Variants in PCDH15 observed in about 807,000 individuals in gnomAD.
PCDH15 encodes protocadherin related 15.
PCDH15 carries 129 observed loss-of-function variants against 178.5 expected under a neutral mutation model. The observed-to-expected ratio is 0.72, with a 90% confidence interval of 0.63 to 0.84. PCDH15 has a LOEUF of 0.84. Among genes scored for constraint, PCDH15 ranks in the 40% least tolerant of loss-of-function variants. The pLI is 0.00. For synonymous variants in PCDH15, 800 were observed against 732.0 expected (o/e 1.09, Z -1.50); for missense variants, 2,230 against 2,099.9 (o/e 1.06, Z -1.21).
intron 8 of PCDH15, among the ~76,000 whole-genome samples, chr10:54,273,493 A>G (rs1208534640): frequency 6.6e-6 from 1 of 152,110 alleles, no homozygotes; most frequent in Non-Finnish European, 1.5e-5. Context: ...ATGATGAATG[A>G]AAAGGGGGTC....
intron 32 of PCDH15, chr10:53,821,083 A>G (rs1413209128): frequency 1.0e-6 from 1 of 971,680 alleles, no homozygotes; most frequent in Non-Finnish European, 1.2e-6. Context: ...TGGAACAATG[A>G]AATGCCTTAC....
intron 26 of PCDH15, among the ~76,000 whole-genome samples, chr10:53,896,084 G>A (rs1026799513): frequency 6.6e-6 from 1 of 151,656 alleles, no homozygotes; most frequent in African/African-American, 2.4e-5. Flanking sequence ...AAATTTACTT[G>A]TTTTATTTTA....
chr10:55,115,021 A>G (rs924970659), intron 2 of PCDH15, among the ~76,000 whole-genome samples: 7 of 152,226 alleles, frequency 4.6e-5, no homozygotes, highest in African/African-American at 1.7e-4. Flanking sequence ...AGTTATATCA[A>G]CAGCAGTCAT....
intron 21 of PCDH15, among the ~76,000 whole-genome samples, chr10:53,991,915 G>A (rs975254825): frequency 1.3e-5 from 2 of 152,124 alleles, no homozygotes; most frequent in Non-Finnish European, 2.9e-5. Flanking sequence ...GGTCAGATAA[G>A]GGAATAAAAG....
intron 15 of PCDH15, among the ~76,000 whole-genome samples, chr10:54,100,830 G>A (rs182753701): frequency 2.0e-5 from 3 of 152,056 alleles, no homozygotes; most frequent in East Asian, 1.9e-4. Context: ...CTTAAGGTGG[G>A]GGGGGATTTT....
At chr10:54,651,754 C>T (rs955555529) in intron 2 of PCDH15, among the ~76,000 whole-genome samples, 2 of 152,142 alleles carry the variant, frequency 1.3e-5, no homozygotes, top group African/African-American at 4.8e-5. Flanking sequence ...TTTGTTGCAT[C>T]AGCCCAACAA....
intron 20 of PCDH15, among the ~76,000 whole-genome samples, chr10:53,996,009 A>G (rs900000479): frequency 6.6e-6 from 1 of 152,166 alleles, no homozygotes; most frequent in Non-Finnish European, 1.5e-5. Context: ...TTCACCCTCA[A>G]AAACATGCCT....
intron 20 of PCDH15, among the ~76,000 whole-genome samples, chr10:53,999,580 T>C (rs184051463): frequency 5.5e-4 from 83 of 152,278 alleles, no homozygotes; most frequent in Middle Eastern, 3.4e-3. Flanking sequence ...TAAGTGAACA[T>C]TGGTGGTAGC....
At chr10:54,557,334 A>G (rs1269737545) in intron 2 of PCDH15, among the ~76,000 whole-genome samples, 2 of 152,134 alleles carry the variant, frequency 1.3e-5, no homozygotes, top group African/African-American at 4.8e-5. Flanking sequence ...AAATTATACC[A>G]AAAAATTGTT....
At chr10:54,536,161 T>A (rs2084495857) in intron 2 of PCDH15, among the ~76,000 whole-genome samples, 1 of 152,224 alleles carries the variant, frequency 6.6e-6, no homozygotes, top group East Asian at 1.9e-4. Context: ...ACTGCCTAGG[T>A]TAAATACTAG....
intron 15 of PCDH15, among the ~76,000 whole-genome samples, chr10:54,108,904 T>C (rs956998786): frequency 6.6e-6 from 1 of 152,114 alleles, no homozygotes; most frequent in Admixed American, 6.6e-5. Flanking sequence ...TAGAAACCTC[T>C]GCCTTGAAGA....
chr10:54,705,998 A>T (rs1291211478), intron 1 of PCDH15, among the ~76,000 whole-genome samples: 1 of 152,156 alleles, frequency 6.6e-6, no homozygotes, highest in Non-Finnish European at 1.5e-5. Context: ...GAGCATATTG[A>T]GAGGTAAACA....
chr10:55,207,626 G>A (rs1840437755), intron 1 of PCDH15, among the ~76,000 whole-genome samples: 1 of 152,142 alleles, frequency 6.6e-6, no homozygotes, highest in Non-Finnish European at 1.5e-5. Context: ...GTTATAATCA[G>A]TGGGAAGATA....
chr10:54,399,856 T>C (rs114910633), intron 3 of PCDH15, among the ~76,000 whole-genome samples: 2,661 of 152,092 alleles, frequency 0.017, 73 homozygotes, highest in African/African-American at 0.059. Context: ...AATTTGGAGG[T>C]CTCCAAAGAA....
At chr10:54,393,705 C>A (rs1005955784) in intron 3 of PCDH15, among the ~76,000 whole-genome samples, 1 of 152,146 alleles carries the variant, frequency 6.6e-6, no homozygotes, top group Non-Finnish European at 1.5e-5. Flanking sequence ...ATCCACCATT[C>A]CTGATCCAAA....
chr10:55,192,729 C>A (rs1243696399), intron 1 of PCDH15, among the ~76,000 whole-genome samples: 31 of 119,314 alleles, frequency 2.6e-4, no homozygotes, highest in Middle Eastern at 8.2e-3. Flanking sequence ...GAATCTCTCT[C>A]TCTCTCTCTC....
chr10:54,025,701 G>A (rs569808073), intron 18 of PCDH15, among the ~76,000 whole-genome samples: 1 of 152,174 alleles, frequency 6.6e-6, no homozygotes, highest in South Asian at 2.1e-4. Context: ...GTTTCACCAT[G>A]TTGGTCAGGC....
intron 3 of PCDH15, among the ~76,000 whole-genome samples, chr10:54,435,825 C>A (rs1304450120): frequency 6.6e-6 from 1 of 151,836 alleles, no homozygotes; most frequent in Non-Finnish European, 1.5e-5. Context: ...AAAAAATTAG[C>A]CGGTCGTGGT....
At chr10:55,455,345 C>A (rs1302799326) in intron 2 of PCDH15, among the ~76,000 whole-genome samples, 1 of 151,976 alleles carries the variant, frequency 6.6e-6, no homozygotes, top group African/African-American at 2.4e-5. Context: ...ATAAAATATT[C>A]TTCTGTGTGT....
Sources: gnomAD v4.1 joint callset for allele counts (sites outside exome capture counted in the v4.1 genomes callset) on GRCh38, gnomAD v4.1.1 for gene constraint, MANE v1.5 for transcripts, NCBI Gene and HGNC (gene_info 2026-07-23, HGNC 2026-07-21) for gene names.